CACNA1C: variants seen among roughly 807,000 people sequenced by gnomAD.
CACNA1C encodes the protein voltage-dependent L-type calcium channel subunit alpha-1C.
In CACNA1C, 30 loss-of-function variants were observed where a neutral mutation model predicts 229.0. That is an observed-to-expected ratio of 0.13 (90% CI 0.10 to 0.18). The LOEUF (loss-of-function observed/expected upper bound fraction) is 0.18. CACNA1C is among the 10% of genes least tolerant of loss of function. CACNA1C has a pLI of 1.00. For missense variants in CACNA1C, 1,658 were observed against 2,845.0 expected (o/e 0.58, Z 9.49); for synonymous variants, 1,114 against 1,132.5 (o/e 0.98, Z 0.33).
At chr12:2,102,787 T>C (rs1049479372) in intron 1 of CACNA1C, among the ~76,000 whole-genome samples, 2 of 152,208 alleles carry the variant, frequency 1.3e-5, no homozygotes, top group Non-Finnish European at 2.9e-5. Context: ...CCTGTGTCCA[T>C]GTGTTCTCAT....
intron 1 of CACNA1C, among the ~76,000 whole-genome samples, chr12:1,984,601 C>T (rs1029297240): frequency 3.3e-5 from 5 of 151,972 alleles, no homozygotes; most frequent in Admixed American, 3.3e-4. Flanking sequence ...TTGCTTTCAA[C>T]AGTCACATGT....
At chr12:2,277,350 GACAGACAGACAGACACACACACACACAC>G (rs1240883919) in intron 3 of CACNA1C, among the ~76,000 whole-genome samples, 110 of 76,508 alleles carry the variant, frequency 1.4e-3, no homozygotes, top group African/African-American at 5.5e-3. Context: ...CAGACAGACA[GACAGACAGACAGACACACACACACACAC>G]ACACACACAC....
chr12:2,398,062 T>G (rs1426404744), intron 3 of CACNA1C, among the ~76,000 whole-genome samples: 1 of 152,250 alleles, frequency 6.6e-6, no homozygotes, highest in Non-Finnish European at 1.5e-5. Context: ...CAGGCCAAGC[T>G]GGAGGCGCAA....
intron 1 of CACNA1C, among the ~76,000 whole-genome samples, chr12:2,007,536 T>C (rs1282570347): frequency 6.6e-6 from 1 of 152,268 alleles, no homozygotes; most frequent in Non-Finnish European, 1.5e-5. Context: ...TGAAATTACA[T>C]GGTCATGTCT....
chr12:2,586,600 T>A (rs1444006227), intron 18 of CACNA1C, among the ~76,000 whole-genome samples: 1 of 152,226 alleles, frequency 6.6e-6, no homozygotes, highest in African/African-American at 2.4e-5. Context: ...TTGAAGTCAA[T>A]AACATGCTAT....
intron 1 of CACNA1C, among the ~76,000 whole-genome samples, chr12:2,005,012 C>G (rs888639288): frequency 2.0e-5 from 3 of 151,368 alleles, no homozygotes; most frequent in African/African-American, 7.3e-5. Flanking sequence ...ACTTATTTGA[C>G]TTGTTCACTG....
At chr12:1,995,812 G>A (rs2040662816) in intron 1 of CACNA1C, among the ~76,000 whole-genome samples, 1 of 152,132 alleles carries the variant, frequency 6.6e-6, no homozygotes, top group African/African-American at 2.4e-5. Flanking sequence ...CTCCTTCAGG[G>A]AACAGCTTTT....
intron 9 of CACNA1C, chr12:2,547,530 G>A (rs1213209327): frequency 3.8e-6 from 3 of 779,668 alleles, no homozygotes; most frequent in South Asian, 1.3e-5. Context: ...CCATGGTAAT[G>A]TTCCCCTGTG....
chr12:2,174,699 C>T (rs990369750), intron 3 of CACNA1C, among the ~76,000 whole-genome samples: 1 of 152,128 alleles, frequency 6.6e-6, no homozygotes, highest in South Asian at 2.1e-4. Context: ...TTTTGACTCC[C>T]GCAAAGCCTA....
chr12:2,109,352 A>C lies in CACNA1C; in HGVS notation c.50-5872A>C, dbSNP rs114907794. On this transcript the variant is annotated intron_variant, in intron 1 of 46. Coordinates refer to ENST00000399655, the MANE Select transcript of CACNA1C (RefSeq NM_000719.7). ...GCTTGTTTGGAGTGGGGGCTTGAAG[A>C]AGGGATCACCTGAGCCCAAACCTGA... Among the ~76,000 whole-genome samples, 1,398 of 152,278 alleles carry C rather than the reference A, an allele frequency of 9.2e-3. 21 individuals carry two copies. The highest frequency in any genetic ancestry group is 0.031 in the African/African-American group (1,286 of 41,562).
At chr12:2,001,699 T>C (rs1165161224) in intron 1 of CACNA1C, among the ~76,000 whole-genome samples, 2 of 152,230 alleles carry the variant, frequency 1.3e-5, no homozygotes, top group Admixed American at 6.5e-5. Context: ...GGTTTTAGTT[T>C]GGCATTTTTC....
In CACNA1C at chr12:2,666,285, A is replaced by G. The variant is rs2153711326; in HGVS notation, c.4527-401A>G. Among the ~76,000 whole-genome samples, 1 of 151,926 alleles carries G rather than the reference A, an allele frequency of 6.6e-6. No homozygotes were observed. Among genetic ancestry groups the G allele is most frequent in the African/African-American group, 2.4e-5 (1 of 41,456 alleles). Reference sequence around the variant, plus strand: ...ATAACTAGTAAGTGCTCAAGTTAGGATAGGTAGGGCCGGGGAAAATCTTGA... The same window carrying G: ...ATAACTAGTAAGTGCTCAAGTTAGGGTAGGTAGGGCCGGGGAAAATCTTGA... On this transcript the variant is annotated intron_variant, in intron 36 of 46. Transcript: ENST00000399655. The surrounding 1 kb of genome is among the most constrained non-coding windows in gnomAD (Gnocchi z 5.3).
At chr12:1,999,567 A>T (rs895804836) in intron 1 of CACNA1C, among the ~76,000 whole-genome samples, 2 of 152,010 alleles carry the variant, frequency 1.3e-5, no homozygotes, top group East Asian at 1.9e-4. Context: ...CAAAACAAAA[A>T]TTTTTTTAAT....
At chr12:2,622,227 C>T (rs1225573208) in intron 29 of CACNA1C, among the ~76,000 whole-genome samples, 2 of 152,104 alleles carry the variant, frequency 1.3e-5, no homozygotes, top group Non-Finnish European at 2.9e-5. Context: ...CAGAATGCTG[C>T]CCTGCTGTCC....
In CACNA1C at chr12:1,996,650, AAAAAACAAC is replaced by A. The variant is rs1411583025; in HGVS notation, c.139+25453_139+25461del. 1.2e-3 allele frequency among the ~76,000 whole-genome samples: 52 copies of A among 43,432 alleles called. 2 individuals carry two copies. The highest frequency in any genetic ancestry group is 5.6e-3 in the African/African-American group (43 of 7,722). 28.5% of individuals were successfully genotyped at this position (43,432 alleles called of 152,430 possible). ...AAAAAAAAAAAAAAAAAAAAAAAAA[AAAAAACAAC>A]AAACTCTTCTAATGTTTTAAAGAAG... On this transcript the variant is annotated intron_variant, in intron 1 of 46. Transcript: ENST00000682462.
intron 3 of CACNA1C, among the ~76,000 whole-genome samples, chr12:2,289,515 A>T (rs371325410): frequency 3.4e-4 from 51 of 152,176 alleles, no homozygotes; most frequent in African/African-American, 1.2e-3. Context: ...TCTCCGGTAT[A>T]GTCAGGAAAT....
intron 3 of CACNA1C, among the ~76,000 whole-genome samples, chr12:2,234,957 G>A (rs949047450): frequency 6.6e-6 from 1 of 152,134 alleles, no homozygotes; most frequent in African/African-American, 2.4e-5. Flanking sequence ...TTCCATGGGT[G>A]AGGTTCTCAC....
intron 1 of CACNA1C, among the ~76,000 whole-genome samples, chr12:2,024,099 C>G (rs2046920791): frequency 6.6e-6 from 1 of 152,216 alleles, no homozygotes; most frequent in East Asian, 1.9e-4. Context: ...GTTTCCTTCT[C>G]TTGGCTCAAA....
chr12:2,678,094 T>G lies in CACNA1C; in HGVS notation c.5091+227T>G, dbSNP rs564963351. On this transcript the variant is annotated intron_variant, in intron 41 of 46. Transcript: ENST00000399655. This position sits in a 1 kb window ranked among gnomAD's most constrained non-coding sequence, Gnocchi z 4.1. ...AACAGCAGCTCTCAGTGTCACTGGC[T>G]CTCAGAGAAGCGGGAAGGAACCGCC... is the stretch of plus-strand genomic sequence containing the variant. Among the ~76,000 whole-genome samples, 92 of 152,306 alleles carry G rather than the reference T, an allele frequency of 6.0e-4. No individual in the cohort carries two copies. Among genetic ancestry groups the G allele is most frequent in the African/African-American group, 2.2e-3 (91 of 41,562 alleles).
Sources: gnomAD v4.1 joint callset for allele counts (sites outside exome capture counted in the v4.1 genomes callset) on GRCh38, gnomAD v4.1.1 for gene constraint, Gnocchi (gnomAD v3.1) non-coding constraint, MANE v1.5 for transcripts, NCBI Gene and HGNC (gene_info 2026-07-23, HGNC 2026-07-21) for gene names.